The following ADAMTS3 variants were observed in gnomAD, a reference collection of about 807,000 sequenced individuals.
ADAMTS3 encodes ADAM metallopeptidase with thrombospondin type 1 motif 3, also known as A disintegrin and metalloproteinase with thrombospondin motifs 3.
In ADAMTS3, 73 loss-of-function variants were observed where a neutral mutation model predicts 129.0. The observed-to-expected ratio is 0.57, with a 90% CI of 0.47 to 0.69. The LOEUF (loss-of-function observed/expected upper bound fraction) is 0.69, where lower values mean the gene tolerates loss of function less well. ADAMTS3 is among the 30% of genes least tolerant of loss of function. The pLI is 0.00. For synonymous variants in ADAMTS3, 477 were observed against 510.8 expected (o/e 0.93, Z 0.89); for missense variants, 1,457 against 1,514.5 (o/e 0.96, Z 0.63).
chr4:72,424,778 A>C (rs1274206289), intron 3 of ADAMTS3, among the ~76,000 whole-genome samples: 2 of 152,128 alleles, frequency 1.3e-5, no homozygotes. Context: ...CAAACACTGA[A>C]TACTACATAA....
chr4:72,306,172 G>A, intron 15 of ADAMTS3, 105 bp from the exon 16 acceptor site: 2 of 705,468 alleles, frequency 2.8e-6, no homozygotes, highest in Non-Finnish European at 2.2e-6. Context: ...GCAGAAGAGG[G>A]CATCCATAAA....
intron 4 of ADAMTS3, among the ~76,000 whole-genome samples, chr4:72,404,530 G>A (rs1722003801): frequency 6.6e-6 from 1 of 151,976 alleles, no homozygotes; most frequent in African/African-American, 2.4e-5. Context: ...AGACTTAAAT[G>A]TAAGAACTGA....
chr4:72,467,016 A>G (rs1436776307), intron 3 of ADAMTS3, among the ~76,000 whole-genome samples: 1 of 152,088 alleles, frequency 6.6e-6, no homozygotes. Context: ...TCTCTGGCAC[A>G]TTGGAAGTAA....
intron 3 of ADAMTS3, among the ~76,000 whole-genome samples, chr4:72,514,663 G>A (rs996599750): frequency 4.6e-5 from 7 of 152,050 alleles, no homozygotes; most frequent in African/African-American, 9.7e-5. Context: ...CTTTTTGAGA[G>A]TAAGCCCCAT....
chr4:72,355,703 G>A (rs903345309), intron 4 of ADAMTS3, among the ~76,000 whole-genome samples: 12 of 151,994 alleles, frequency 7.9e-5, no homozygotes, highest in East Asian at 7.7e-4. Context: ...ACCAGATAGC[G>A]GTGTTGGTTG....
intron 4 of ADAMTS3, among the ~76,000 whole-genome samples, chr4:72,383,865 T>C (rs1231363355): frequency 6.6e-6 from 1 of 152,134 alleles, no homozygotes; most frequent in Non-Finnish European, 1.5e-5. Context: ...GAATCTGAGA[T>C]GAATCAGATG....
intron 3 of ADAMTS3, among the ~76,000 whole-genome samples, chr4:72,434,677 G>A (rs1722776814): frequency 6.6e-6 from 1 of 151,870 alleles, no homozygotes. Flanking sequence ...GCAAAGGAAG[G>A]GGGTTTTGCA....
In ADAMTS3 at chr4:72,478,079, C is replaced by G. The variant is rs546465484; in HGVS notation, c.505-63108G>C. On this transcript the variant is annotated intron_variant, in intron 3 of 21. Transcript: ENST00000286657. ...CTTACCAACCAAAAAGAGTCCAGGA[C>G]CAGATGGTTTCACAGCCAAATTCTA... 5.3e-5 allele frequency among the ~76,000 whole-genome samples: 8 copies of G among 152,250 alleles called. No homozygotes were observed. The South Asian group carries it at 1.7e-3, about 32-fold the overall frequency.
At chr4:72,331,342 G>A (rs1414198785) in intron 5 of ADAMTS3, among the ~76,000 whole-genome samples, 1 of 152,118 alleles carries the variant, frequency 6.6e-6, no homozygotes, top group Admixed American at 6.5e-5. Context: ...TTGAGGTAGG[G>A]AAGTATAGTG....
In ADAMTS3 at chr4:72,292,167, C is replaced by T. The variant is rs1718688785; in HGVS notation, c.2724-1105G>A. On this transcript the variant is annotated intron_variant, in intron 19 of 21. Transcript: ENST00000286657. ...CACACTTACGATTTCTTTACATAAC[C>T]TTCTGTTTTCACTATGGTTTCCTTC... Among the ~76,000 whole-genome samples, 6 of 152,280 alleles carry T rather than the reference C, an allele frequency of 3.9e-5. No homozygotes were observed. In the South Asian group the frequency reaches 1.2e-3, roughly 32 times the overall value.
rs76936007 is a variant in ADAMTS3 at position 72,373,459 on chromosome 4, G to A, written c.662-33766C>T. ...TGGATTACTATTCAGCAATAAGGAA[G>A]AATAAACTATACCTACACACAGGAA... is the stretch of plus-strand genomic sequence containing the variant. On this transcript the variant is annotated intron_variant, in intron 4 of 21. Transcript: ENST00000286657. Among the ~76,000 whole-genome samples the A allele has an allele frequency of 3.8e-3, 573 of 152,166 alleles. 2 individuals are homozygous for A. The highest frequency in any genetic ancestry group is 6.2e-3 in the Non-Finnish European group (420 of 67,998).
chr4:72,463,670 T>C (rs995638600), intron 3 of ADAMTS3, among the ~76,000 whole-genome samples: 2 of 146,538 alleles, frequency 1.4e-5, no homozygotes, highest in African/African-American at 5.1e-5. Context: ...TTCAGTGTTT[T>C]GAAATCTTTT....
intron 3 of ADAMTS3, among the ~76,000 whole-genome samples, chr4:72,543,666 C>T (rs1025231335): frequency 6.6e-6 from 1 of 151,902 alleles, no homozygotes; most frequent in African/African-American, 2.4e-5. Context: ...TTAGAGAAGT[C>T]AAAATTGTAG....
At chr4:72,344,074 T>A (rs1720210213) in intron 4 of ADAMTS3, among the ~76,000 whole-genome samples, 1 of 152,154 alleles carries the variant, frequency 6.6e-6, no homozygotes, top group African/African-American at 2.4e-5. Flanking sequence ...GCCTATTTTA[T>A]CAGAATGAAT....
chr4:72,306,644 G>C (rs138285207), intron 15 of ADAMTS3, among the ~76,000 whole-genome samples: 2 of 151,876 alleles, frequency 1.3e-5, no homozygotes, highest in South Asian at 2.1e-4. Flanking sequence ...AAAGCTTTAG[G>C]CAAGTTTTAT....
intron 3 of ADAMTS3, among the ~76,000 whole-genome samples, chr4:72,431,581 A>G (rs1323983799): frequency 1.3e-5 from 2 of 152,010 alleles, no homozygotes; most frequent in African/African-American, 2.4e-5. Context: ...GGCTATGTGT[A>G]TAAGGTGTAT....
chr4:72,386,731 T>G (rs2109886992), intron 4 of ADAMTS3, among the ~76,000 whole-genome samples: 1 of 152,210 alleles, frequency 6.6e-6, no homozygotes, highest in Admixed American at 6.5e-5. Context: ...ATCTATTGAG[T>G]GTAAAGCTAG....
intron 4 of ADAMTS3, among the ~76,000 whole-genome samples, chr4:72,342,924 C>G (rs1335783287): frequency 6.6e-6 from 1 of 152,106 alleles, no homozygotes; most frequent in Non-Finnish European, 1.5e-5. Flanking sequence ...ATTCAGTATG[C>G]AGACACACAC....
At chr4:72,451,250 A>G (rs1008890468) in intron 3 of ADAMTS3, among the ~76,000 whole-genome samples, 3 of 151,850 alleles carry the variant, frequency 2.0e-5, no homozygotes, top group Middle Eastern at 6.8e-3. Context: ...TGAAGGTCAA[A>G]TAACATTCAG....
Sources: allele counts gnomAD v4.1 joint callset (sites outside exome capture counted in the v4.1 genomes callset), GRCh38; gene constraint gnomAD v4.1.1; transcripts MANE v1.5; gene names NCBI Gene and HGNC (gene_info 2026-07-23, HGNC 2026-07-21).